The following DAG1 variants were observed in gnomAD, a reference collection of about 807,000 sequenced individuals.
The protein encoded by DAG1 is dystroglycan 1, also known as dystroglycan 1 (dystrophin-associated glycoprotein 1).
A neutral mutation model predicts 46.1 loss-of-function variants in DAG1; 8 were observed. The observed-to-expected ratio is 0.17, with a 90% CI of 0.10 to 0.31. DAG1 has a LOEUF of 0.31. Ranked by LOEUF, DAG1 falls within the 10% of genes least tolerant of loss-of-function variation. The pLI is 1.00. For synonymous variants in DAG1, 495 were observed against 481.8 expected (o/e 1.03, Z -0.36); for missense variants, 1,003 against 1,189.9 (o/e 0.84, Z 2.31).
At chr3:49,492,214 C>T (rs1394503902) in intron 1 of DAG1, among the ~76,000 whole-genome samples, 7 of 152,110 alleles carry the variant, frequency 4.6e-5, no homozygotes, top group Non-Finnish European at 8.8e-5. Flanking sequence ...CGTGAGCCAC[C>T]GTACCCCGCC....
chr3:49,492,591 G>A (rs2050217428), intron 1 of DAG1: 1 of 152,162 alleles, frequency 6.6e-6, no homozygotes, highest in Non-Finnish European at 1.5e-5. Flanking sequence ...AGGCTGCAGT[G>A]AGCCATCATC....
chr3:49,530,261 A>G (rs2107912344), intron 2 of DAG1, among the ~76,000 whole-genome samples: 1 of 152,288 alleles, frequency 6.6e-6, no homozygotes, highest in Non-Finnish European at 1.5e-5. Context: ...AGTCCTTCAG[A>G]GCGTTGAGCC....
chr3:49,533,918 G>A lies in DAG1; in HGVS notation c.*719G>A, dbSNP rs1452169100. 1 of 163,376 alleles carries A rather than the reference G, an allele frequency of 6.1e-6. No individual in the cohort carries two copies. Among genetic ancestry groups the A allele is most frequent in the East Asian group, 1.8e-4 (1 of 5,534 alleles). The allele number at this position is 163,376 out of a possible 1,614,324, so 10.1% of individuals were successfully genotyped here. A position where few individuals can be genotyped will look rare whatever the true frequency, so the allele number is the denominator to read the frequency against. The stretch of plus-strand genomic sequence containing the variant: ...CGGCCCTGGCTCACGCCAAGTCCCT[G>A]GTGCTGGGTTTGCTCTCCCGCTGTT... On this transcript the variant is annotated 3_prime_UTR_variant, in exon 3 of 3. Coordinates refer to ENST00000308775, the MANE Select transcript of DAG1 (RefSeq NM_004393.6).
chr3:49,513,546 CT>C (rs1164447550), intron 2 of DAG1, among the ~76,000 whole-genome samples: 3 of 152,120 alleles, frequency 2.0e-5, no homozygotes, highest in Non-Finnish European at 4.4e-5. Flanking sequence ...AGTCTGTGCC[CT>C]TTTCCCTGAA....
chr3:49,472,132 AGTGGTGTGACCCAGACCTGTGT>A (rs2049538090), intron 1 of DAG1, among the ~76,000 whole-genome samples: 1 of 152,028 alleles, frequency 6.6e-6, no homozygotes, highest in African/African-American at 2.4e-5. Flanking sequence ...TAATCAGTAG[AGTGGTGTGACCCAGACCTGTGT>A]TTAGAAAGAT....
chr3:49,485,118 C>G (rs985467888), intron 1 of DAG1, among the ~76,000 whole-genome samples: 1 of 151,786 alleles, frequency 6.6e-6, no homozygotes, highest in Non-Finnish European at 1.5e-5. Flanking sequence ...TCCGGAGTAG[C>G]TGGGACTACA....
intron 1 of DAG1, 166 bp from the exon 2 acceptor site, chr3:49,510,253 T>C: frequency 1.8e-6 from 1 of 562,480 alleles, no homozygotes; most frequent in Non-Finnish European, 3.2e-6. Flanking sequence ...ACATTTCCAG[T>C]GCTAAGGAGT....
At chr3:49,474,967 G>A (rs543473937) in intron 1 of DAG1, among the ~76,000 whole-genome samples, 58 of 147,068 alleles carry the variant, frequency 3.9e-4, no homozygotes, top group Non-Finnish European at 7.0e-4. Flanking sequence ...GCCCGCCACC[G>A]CGCCCAGCTA....
At chr3:49,508,119 T>G (rs967854374) in intron 1 of DAG1, among the ~76,000 whole-genome samples, 1 of 151,782 alleles carries the variant, frequency 6.6e-6, no homozygotes, top group African/African-American at 2.4e-5. Flanking sequence ...ATGGTTTTTC[T>G]CTGTTTTTGT....
chr3:49,495,023 A>AGGTG (rs1427438280), intron 1 of DAG1, among the ~76,000 whole-genome samples: 1 of 152,110 alleles, frequency 6.6e-6, no homozygotes, highest in African/African-American at 2.4e-5. Context: ...CCAGGCATCT[A>AGGTG]CTGGGAGAGA....
intron 1 of DAG1, chr3:49,476,872 AG>A (rs1212019092): frequency 6.6e-6 from 1 of 152,224 alleles, no homozygotes; most frequent in Non-Finnish European, 1.5e-5. Flanking sequence ...CAGGAAGATA[AG>A]GCTTTTAAAG....
intron 2 of DAG1, among the ~76,000 whole-genome samples, chr3:49,517,406 T>G (rs2050926558): frequency 6.6e-6 from 1 of 152,164 alleles, no homozygotes; most frequent in South Asian, 2.1e-4. Context: ...TTTGTTCTAG[T>G]CAGTTTTAGA....
At chr3:49,504,761 A>ATTT (rs57684297) in intron 1 of DAG1, among the ~76,000 whole-genome samples, 61 of 89,902 alleles carry the variant, frequency 6.8e-4, no homozygotes, top group East Asian at 1.9e-3. Flanking sequence ...CGCCCAGCTA[A>ATTT]TTTTTTTTTT....
At chr3:49,529,081 C>T (rs1051606831) in intron 2 of DAG1, among the ~76,000 whole-genome samples, 1 of 152,084 alleles carries the variant, frequency 6.6e-6, no homozygotes, top group African/African-American at 2.4e-5. Flanking sequence ...GAACTCCTGA[C>T]CTCAGGTGAT....
In DAG1 at chr3:49,532,206, C is replaced by T. The variant is rs773066265; in HGVS notation, c.1695C>T (p.Pro565=). Residue 565 remains proline (P), a synonymous_variant, in exon 3 of 3, where the codon CCC becomes CCT. Transcript: ENST00000308775. The surrounding 1 kb of genome is among the most constrained non-coding windows in gnomAD (Gnocchi z 5.4). ...NSNSQLMYGL[P]DSSHVGKHEY... The stretch of plus-strand genomic sequence containing the variant: ...ACAGCCAGCTCATGTATGGCCTTCC[C>T]GACAGCAGCCACGTGGGCAAACACG... The T allele has an allele frequency of 2.3e-5, 37 of 1,613,984 alleles. No homozygotes were observed. The highest frequency in any genetic ancestry group is 5.5e-5 in the South Asian group (5 of 91,090).
chr3:49,497,016 G>A (rs2050331387), intron 1 of DAG1, among the ~76,000 whole-genome samples: 1 of 151,366 alleles, frequency 6.6e-6, no homozygotes, highest in South Asian at 2.1e-4. Flanking sequence ...GTTTTTTTTA[G>A]GGGCTGGCTG....
chr3:49,483,933 C>T (rs898911893), intron 1 of DAG1, among the ~76,000 whole-genome samples: 2 of 152,126 alleles, frequency 1.3e-5, no homozygotes, highest in African/African-American at 2.4e-5. Flanking sequence ...GGATTACAGG[C>T]GTGAGCCACC....
At chr3:49,524,479 C>A (rs2051116845) in intron 2 of DAG1, among the ~76,000 whole-genome samples, 1 of 151,694 alleles carries the variant, frequency 6.6e-6, no homozygotes, top group East Asian at 1.9e-4. Context: ...AGTTCAAGAC[C>A]AATCTGGACA....
chr3:49,491,303 C>T (rs2050176166), intron 1 of DAG1, among the ~76,000 whole-genome samples: 1 of 146,086 alleles, frequency 6.8e-6, no homozygotes. Context: ...AGCCACCGCT[C>T]CCAGCCAAGT....
Sources: allele counts gnomAD v4.1 joint callset (sites outside exome capture counted in the v4.1 genomes callset), GRCh38; gene constraint gnomAD v4.1.1; non-coding constraint Gnocchi (gnomAD v3.1); transcripts MANE v1.5; gene names NCBI Gene and HGNC (gene_info 2026-07-23, HGNC 2026-07-21).